RAB23: variants seen among roughly 807,000 people sequenced by gnomAD.
The protein encoded by RAB23 is ras-related protein Rab-23.
A neutral mutation model predicts 30.0 loss-of-function variants in RAB23; 15 were observed. The observed-to-expected ratio is 0.50, with a 90% CI of 0.33 to 0.77. RAB23 has a LOEUF of 0.77. RAB23 is among the 30% of genes least tolerant of loss of function. The pLI is 0.02. For synonymous variants in RAB23, 93 were observed against 94.0 expected (o/e 0.99, Z 0.06); for missense variants, 243 against 275.4 (o/e 0.88, Z 0.83).
chr6:57,212,165 C>T (rs1054405467), intron 1 of RAB23, among the ~76,000 whole-genome samples: 1 of 152,222 alleles, frequency 6.6e-6, no homozygotes, highest in Non-Finnish European at 1.5e-5. Flanking sequence ...GCTACCTCAC[C>T]TTCAGGATCC....
At chr6:57,218,777 G>A (rs747049917) in intron 1 of RAB23, among the ~76,000 whole-genome samples, 7 of 151,808 alleles carry the variant, frequency 4.6e-5, no homozygotes, top group Non-Finnish European at 7.4e-5. Flanking sequence ...GCTTGAACCC[G>A]GGAGGCAGAG....
intron 3 of RAB23, among the ~76,000 whole-genome samples, chr6:57,205,226 ATGTG>A (rs1204366207): frequency 2.6e-5 from 4 of 151,614 alleles, no homozygotes; most frequent in Non-Finnish European, 5.9e-5. Flanking sequence ...GTGTGTATAT[ATGTG>A]TGTGTGTATG....
intron 6 of RAB23, among the ~76,000 whole-genome samples, chr6:57,191,298 C>T (rs1299778629): frequency 6.6e-6 from 1 of 152,180 alleles, no homozygotes; most frequent in African/African-American, 2.4e-5. Flanking sequence ...ACTTTTCCTA[C>T]TTATCCTTCC....
intron 3 of RAB23, among the ~76,000 whole-genome samples, chr6:57,197,903 C>G (rs933758444): frequency 6.6e-6 from 1 of 152,074 alleles, no homozygotes; most frequent in African/African-American, 2.4e-5. Context: ...CCATCATGCA[C>G]AGCTAATTCT....
chr6:57,211,447 A>G (rs899329965), intron 1 of RAB23, among the ~76,000 whole-genome samples: 1 of 152,144 alleles, frequency 6.6e-6, no homozygotes. Flanking sequence ...GTGATAGAAC[A>G]AGATGCTGTC....
intron 3 of RAB23, 27 bp from the exon 4 acceptor site, chr6:57,196,633 T>G (rs2127998740): frequency 6.2e-7 from 1 of 1,607,238 alleles, no homozygotes; most frequent in East Asian, 2.2e-5. Flanking sequence ...AATCAATCAA[T>G]CAATCAAGGT....
At chr6:57,219,923 T>C (rs564825808) in intron 1 of RAB23, among the ~76,000 whole-genome samples, 38 of 152,324 alleles carry the variant, frequency 2.5e-4, no homozygotes, top group Non-Finnish European at 4.7e-4. Context: ...AAACTGATAC[T>C]GGACTTCACC....
intron 1 of RAB23, among the ~76,000 whole-genome samples, chr6:57,219,063 G>C (rs1282331905): frequency 6.6e-6 from 1 of 152,258 alleles, no homozygotes; most frequent in East Asian, 1.9e-4. Flanking sequence ...CAAATGACAT[G>C]ATTATCTCTG....
At chr6:57,199,590 G>C (rs1400599367) in intron 3 of RAB23, among the ~76,000 whole-genome samples, 4 of 151,960 alleles carry the variant, frequency 2.6e-5, no homozygotes, top group African/African-American at 9.7e-5. Flanking sequence ...GCAGTATAAA[G>C]AACAAAATGA....
intron 6 of RAB23, among the ~76,000 whole-genome samples, chr6:57,193,021 G>C (rs894717020): frequency 6.6e-5 from 10 of 152,166 alleles, no homozygotes; most frequent in African/African-American, 1.7e-4. Flanking sequence ...GGATTGAAGA[G>C]AATCTGCATT....
intron 1 of RAB23, among the ~76,000 whole-genome samples, chr6:57,217,592 GC>G (rs1216570575): frequency 1.8e-4 from 28 of 152,210 alleles, no homozygotes; most frequent in African/African-American, 6.3e-4. Context: ...ACAGGCGTGA[GC>G]CACCGTGCCC....
At chr6:57,190,734 AT>A in intron 6 of RAB23, 134 bp from the exon 7 acceptor site, 3 of 1,186,200 alleles carry the variant, frequency 2.5e-6, no homozygotes, top group Non-Finnish European at 3.7e-6. Flanking sequence ...ATCCAACAAA[AT>A]TTAGCATCTT....
At chr6:57,199,480 G>C (rs192579417) in intron 3 of RAB23, among the ~76,000 whole-genome samples, 2 of 152,218 alleles carry the variant, frequency 1.3e-5, no homozygotes, top group Non-Finnish European at 2.9e-5. Context: ...AAGGCACACA[G>C]AGGCTTAAAC....
At chr6:57,193,781 T>A in intron 6 of RAB23, 61 bp downstream of exon 6, 1 of 1,581,100 alleles carries the variant, frequency 6.3e-7, no homozygotes, top group African/African-American at 1.4e-5. Flanking sequence ...GAAATGAGCA[T>A]ATTATATGTG....
rs764844543 is a variant in RAB23 at position 57,190,507 on chromosome 6, CTTTG to C, written c.664_667del (p.Gln222GlyfsTer24). ...AAAAGGATTTCTGTTTTTCTTGGTC[CTTTG>C]TTTGTTGGGTCTAAGATTGATGACA... is the stretch of plus-strand genomic sequence containing the variant. On this transcript the variant is annotated frameshift_variant, in exon 7 of 7. Transcript: ENST00000468148. LOFTEE classifies it high-confidence loss of function. The C allele has an allele frequency of 1.2e-6, 2 of 1,613,992 alleles. No homozygotes were observed. Among genetic ancestry groups the C allele is most frequent in the Non-Finnish European group, 1.7e-6 (2 of 1,179,970 alleles).
chr6:57,188,543 G>A lies in RAB23; in HGVS notation c.*1918C>T, dbSNP rs532405641. The A allele has an allele frequency of 6.4e-4, 98 of 152,212 alleles. No homozygotes were observed. Among genetic ancestry groups the A allele is most frequent in the African/African-American group, 2.1e-3 (86 of 41,564 alleles). 9.4% of individuals were successfully genotyped at this position (152,212 alleles called of 1,614,324 possible). On this transcript the variant is annotated 3_prime_UTR_variant, in exon 7 of 7. Coordinates refer to ENST00000468148, the MANE Select transcript of RAB23 (RefSeq NM_016277.5). ...TGCCAATAAAGACAAAAGACTATTT[G>A]TTGCAAAGTATTATTTTGTGCAAAA...
chr6:57,197,000 T>G (rs1395239298), intron 3 of RAB23, among the ~76,000 whole-genome samples: 1 of 152,190 alleles, frequency 6.6e-6, no homozygotes, highest in Non-Finnish European at 1.5e-5. Flanking sequence ...TACAGGCTGT[T>G]GCCAAATTCT....
intron 3 of RAB23, among the ~76,000 whole-genome samples, chr6:57,206,382 A>G (rs1370462941): frequency 2.0e-5 from 3 of 152,188 alleles, no homozygotes; most frequent in Non-Finnish European, 2.9e-5. Context: ...AGGGAGTAGG[A>G]GACTATAGAG....
chr6:57,209,179 G>A (rs1765555269), intron 2 of RAB23, among the ~76,000 whole-genome samples: 1 of 152,182 alleles, frequency 6.6e-6, no homozygotes, highest in Admixed American at 6.5e-5. Context: ...CAAGAAAGCA[G>A]ACTTGTTTGA....
Sources: gnomAD v4.1 joint callset for allele counts (sites outside exome capture counted in the v4.1 genomes callset) on GRCh38, gnomAD v4.1.1 for gene constraint, MANE v1.5 for transcripts, NCBI Gene and HGNC (gene_info 2026-07-23, HGNC 2026-07-21) for gene names.